The following TMEM132C variants were observed in gnomAD, a reference collection of about 807,000 sequenced individuals.
TMEM132C encodes the protein transmembrane protein 132C, also known as protein phosphatase 1, regulatory subunit 152.
In TMEM132C, 29 loss-of-function variants were observed where a neutral mutation model predicts 61.4. The observed-to-expected ratio is 0.47, with a 90% CI of 0.35 to 0.64. The LOEUF (loss-of-function observed/expected upper bound fraction) is 0.64, where lower values mean the gene tolerates loss of function less well. Among genes scored for constraint, TMEM132C ranks in the 30% least tolerant of loss-of-function variants. The pLI, the probability that TMEM132C is intolerant of heterozygous loss-of-function variation, is 0.00. For missense variants in TMEM132C, 1,408 were observed against 1,476.9 expected (o/e 0.95, Z 0.76); for synonymous variants, 656 against 633.1 (o/e 1.04, Z -0.54).
intron 1 of TMEM132C, among the ~76,000 whole-genome samples, chr12:128,409,814 T>C (rs1052972498): frequency 3.9e-5 from 6 of 152,040 alleles, no homozygotes; most frequent in African/African-American, 1.4e-4. Context: ...GGAGAGAGGG[T>C]GGCATGCTTA....
intron 1 of TMEM132C, among the ~76,000 whole-genome samples, chr12:128,314,263 C>T (rs1021946653): frequency 3.9e-5 from 6 of 152,064 alleles, no homozygotes; most frequent in Non-Finnish European, 5.9e-5. Flanking sequence ...TATTGCAGAT[C>T]GGGGTAATTG....
intron 1 of TMEM132C, among the ~76,000 whole-genome samples, chr12:128,359,443 C>T (rs1484796655): frequency 1.3e-5 from 2 of 152,170 alleles, no homozygotes; most frequent in Non-Finnish European, 2.9e-5. Context: ...CCACCTGGCC[C>T]CACCCTTGCC....
At chr12:128,395,782 G>A (rs1333761831) in intron 1 of TMEM132C, among the ~76,000 whole-genome samples, 1 of 152,066 alleles carries the variant, frequency 6.6e-6, no homozygotes, top group Non-Finnish European at 1.5e-5. Flanking sequence ...ATCCTACGTT[G>A]CAGTATCCTA....
At chr12:128,530,339 T>C (rs7972272) in intron 2 of TMEM132C, among the ~76,000 whole-genome samples, 110,032 of 152,110 alleles carry the variant, frequency 0.72, 40,119 homozygotes, top group African/African-American at 0.82. Context: ...TTGATTTATA[T>C]GGACTGCCAG....
intron 3 of TMEM132C, among the ~76,000 whole-genome samples, chr12:128,606,842 A>G (rs1462641819): frequency 2.0e-5 from 3 of 152,188 alleles, no homozygotes; most frequent in Non-Finnish European, 4.4e-5. Flanking sequence ...CAAGCTTTTC[A>G]GAGAGTAGAT....
Position 128,669,491 on chromosome 12 carries a change from G to A in TMEM132C, c.1380G>A (p.Glu460=). 6.4e-7 allele frequency: 1 copy of A among 1,551,738 alleles called. No homozygotes were observed. Among genetic ancestry groups the A allele is most frequent in the South Asian group, 1.2e-5 (1 of 84,054 alleles). The change falls in exon 5 of 9, where the codon GAG becomes GAA. Residue 460 remains glutamate (E), a synonymous_variant. Transcript: ENST00000435159. ...TGCCTATCAAGGTGGTCTCTGTGGA[G>A]GAGAACAGTGCCGTGATGGACATCT... ...VAMPIKVVSV[E]ENSAVMDISE...
At chr12:128,620,908 T>C (rs1047673892) in intron 4 of TMEM132C, among the ~76,000 whole-genome samples, 5 of 152,106 alleles carry the variant, frequency 3.3e-5, no homozygotes, top group African/African-American at 9.7e-5. Context: ...AAAGGAGAGA[T>C]TGCTACTTAT....
intron 2 of TMEM132C, among the ~76,000 whole-genome samples, chr12:128,503,560 A>T (rs1184541937): frequency 6.6e-6 from 1 of 152,240 alleles, no homozygotes; most frequent in African/African-American, 2.4e-5. Flanking sequence ...CTATTGGCAT[A>T]ATCTTCTTAG....
chr12:128,490,615 T>A (rs1216599196), intron 2 of TMEM132C, among the ~76,000 whole-genome samples: 1 of 152,160 alleles, frequency 6.6e-6, no homozygotes, highest in Non-Finnish European at 1.5e-5. Context: ...GCCTTTGTGG[T>A]TGTGTTAGTG....
intron 4 of TMEM132C, among the ~76,000 whole-genome samples, chr12:128,631,910 C>A (rs1353810476): frequency 6.6e-6 from 1 of 152,194 alleles, no homozygotes; most frequent in Non-Finnish European, 1.5e-5. Context: ...AAGCAGCCAC[C>A]CTGACTGTGA....
intron 3 of TMEM132C, among the ~76,000 whole-genome samples, chr12:128,587,832 C>T (rs1875605277): frequency 6.6e-6 from 1 of 152,040 alleles, no homozygotes; most frequent in African/African-American, 2.4e-5. Flanking sequence ...AAAAGTGAGT[C>T]GATTTACAGA....
At chr12:128,391,540 C>A (rs960473760) in intron 1 of TMEM132C, among the ~76,000 whole-genome samples, 3 of 152,192 alleles carry the variant, frequency 2.0e-5, no homozygotes, top group Non-Finnish European at 2.9e-5. Context: ...GGGAACCATC[C>A]TAGTTAGCAT....
intron 4 of TMEM132C, among the ~76,000 whole-genome samples, chr12:128,653,181 G>A (rs1954289801): frequency 6.6e-6 from 1 of 151,294 alleles, no homozygotes; most frequent in Admixed American, 6.6e-5. Flanking sequence ...AGGGCCACAT[G>A]TTGTATGATT....
chr12:128,364,825 CAA>C (rs943233629), intron 1 of TMEM132C, among the ~76,000 whole-genome samples: 21 of 152,280 alleles, frequency 1.4e-4, no homozygotes, highest in Admixed American at 3.3e-4. Flanking sequence ...ACTAATTTGA[CAA>C]AGAGCCATGC....
At chr12:128,647,344 TGTGA>T (rs1482946716) in intron 4 of TMEM132C, among the ~76,000 whole-genome samples, 1 of 144,358 alleles carries the variant, frequency 6.9e-6, no homozygotes, top group Non-Finnish European at 1.5e-5. Flanking sequence ...CAGCGTTGGA[TGTGA>T]GTGTGTTTAC....
intron 1 of TMEM132C, among the ~76,000 whole-genome samples, chr12:128,300,721 G>A (rs967837239): frequency 2.6e-5 from 4 of 152,142 alleles, no homozygotes; most frequent in African/African-American, 9.7e-5. Flanking sequence ...TCTATTTATG[G>A]TGGAGCTAAG....
chr12:128,421,344 A>G (rs1166002423), intron 2 of TMEM132C, among the ~76,000 whole-genome samples: 1 of 152,220 alleles, frequency 6.6e-6, no homozygotes, highest in Non-Finnish European at 1.5e-5. Flanking sequence ...AGATCACAGG[A>G]GAAATCCACC....
chr12:128,354,635 A>C (rs1873443897), intron 1 of TMEM132C, among the ~76,000 whole-genome samples: 1 of 152,080 alleles, frequency 6.6e-6, no homozygotes, highest in Non-Finnish European at 1.5e-5. Flanking sequence ...AGGAGGACTC[A>C]GGAAGAAATG....
At chr12:128,577,252 C>T (rs1197428434) in intron 3 of TMEM132C, among the ~76,000 whole-genome samples, 1 of 152,196 alleles carries the variant, frequency 6.6e-6, no homozygotes, top group African/African-American at 2.4e-5. Context: ...TAGCATGTAT[C>T]AGTAGTTCAT....
Sources: gnomAD v4.1 joint callset for allele counts (sites outside exome capture counted in the v4.1 genomes callset) on GRCh38, gnomAD v4.1.1 for gene constraint, MANE v1.5 for transcripts, NCBI Gene and HGNC (gene_info 2026-07-23, HGNC 2026-07-21) for gene names.